Variants in PHACTR4 observed in about 807,000 individuals in gnomAD.
The protein encoded by PHACTR4 is phosphatase and actin regulator 4.
PHACTR4 carries 51 observed loss-of-function variants against 72.7 expected under a neutral mutation model. The observed-to-expected ratio is 0.70, with a 90% CI of 0.56 to 0.89. The LOEUF is 0.89. Ranked by LOEUF, PHACTR4 falls within the 40% of genes least tolerant of loss-of-function variation. The probability of loss-of-function intolerance (pLI) is 0.00; values close to 1 mark genes in which losing one functional copy is unlikely to be tolerated. For synonymous variants in PHACTR4, 255 were observed against 302.5 expected, an observed-to-expected ratio of 0.84 and a Z score of 1.63; for missense variants, 731 against 861.8, an observed-to-expected ratio of 0.85 and a Z score of 1.90.
Position 28,473,580 on chromosome 1 carries a change from G to C in PHACTR4, c.850G>C (p.Gly284Arg), listed in dbSNP as rs1330698283. ...TGAACTGTCCCAAGCAATAAACAGTGGTACATTGTTATCAAAACCGTCCCC... is the reference window on the plus strand; with the variant it reads ...TGAACTGTCCCAAGCAATAAACAGTCGTACATTGTTATCAAAACCGTCCCC... ...IAELSQAINS[G>R]TLLSKPSPPL... The change falls in exon 7 of 14, where the codon GGT (glycine) becomes CGT (arginine). Residue 284 changes from glycine (G) to arginine (R), a missense_variant. Transcript: ENST00000373839. 1 of 1,612,130 alleles carries C rather than the reference G, an allele frequency of 6.2e-7. No individual in the cohort carries two copies. Among genetic ancestry groups the C allele is most frequent in the Non-Finnish European group, 8.5e-7 (1 of 1,178,564 alleles).
intron 11 of PHACTR4, among the ~76,000 whole-genome samples, 196 bp downstream of exon 11, chr1:28,491,208 TAA>T (rs879678760): frequency 4.1e-4 from 45 of 109,384 alleles, no homozygotes; most frequent in Non-Finnish European, 3.9e-4. Context: ...GTGTCTACAT[TAA>T]AAAAAAAAAA....
intron 1 of PHACTR4, among the ~76,000 whole-genome samples, chr1:28,385,615 T>A (rs72882106): frequency 0.13 from 9,801 of 72,854 alleles, 512 homozygotes; most frequent in Non-Finnish European, 0.17. Context: ...TTTAAGTGAA[T>A]TTTTTTTTTT....
At chr1:28,470,422 G>A (rs1195837466) in intron 6 of PHACTR4, among the ~76,000 whole-genome samples, 1 of 151,928 alleles carries the variant, frequency 6.6e-6, no homozygotes, top group East Asian at 1.9e-4. Flanking sequence ...AGGTACAGTG[G>A]CTCACACCTG....
At chr1:28,478,438 A>C (rs1156519495) in intron 8 of PHACTR4, among the ~76,000 whole-genome samples, 1 of 147,792 alleles carries the variant, frequency 6.8e-6, no homozygotes, top group African/African-American at 2.5e-5. Flanking sequence ...TGGTAGTTCT[A>C]TTTTTTTTTT....
In PHACTR4 at chr1:28,474,018, C is replaced by T. The variant is rs200781337; in HGVS notation, c.1288C>T (p.Pro430Ser). ...CCAGCAGGCCCTCACCAGCCCACTT[C>T]CCATGACTCCTATTCTGGAGGGTTC... is the stretch of plus-strand genomic sequence containing the variant. ...RIQQALTSPL[P>S]MTPILEGSHR... The change falls in exon 7 of 14, where the codon CCC (proline) becomes TCC (serine). Residue 430 changes from proline to serine, a missense_variant. Physicochemically the swap from Pro to Ser is moderately conservative, Grantham distance 74. Transcript: ENST00000373839. 391 of 1,614,172 alleles carry T rather than the reference C, an allele frequency of 2.4e-4. 1 individual carries two copies. The highest frequency in any genetic ancestry group is 2.0e-3 in the Middle Eastern group (12 of 6,062).
At chr1:28,384,051 G>C (rs1161658379) in intron 1 of PHACTR4, among the ~76,000 whole-genome samples, 1 of 152,170 alleles carries the variant, frequency 6.6e-6, no homozygotes, top group Non-Finnish European at 1.5e-5. Flanking sequence ...ATGTGCTGCG[G>C]ATTTGATTTG....
chr1:28,460,280 G>T lies in PHACTR4; in HGVS notation c.259G>T (p.Asp87Tyr). The change falls in exon 4 of 14, where the codon GAC (aspartate) becomes TAC (tyrosine). Residue 87 changes from aspartate to tyrosine, a missense_variant. Physicochemically the swap from Asp to Tyr is radical, Grantham distance 160. This residue lies in a region of PHACTR4 where 621 missense variants were observed against 676.6 expected (regional missense o/e 0.92). Transcript: ENST00000373839. ...ELVKRGVLLE[D>Y]PEQGGEDPGK... ...GGTTAAAAGAGGGGTTCTGTTGGAA[G>T]ACCCTGAGCAAGGTGAGTTTACAAA... The T allele has an allele frequency of 6.2e-7, 1 of 1,613,082 alleles. No homozygotes were observed. Among genetic ancestry groups the T allele is most frequent in the South Asian group, 1.1e-5 (1 of 90,984 alleles).
intron 1 of PHACTR4, among the ~76,000 whole-genome samples, chr1:28,381,323 G>T (rs1471605367): frequency 9.2e-6 from 1 of 108,282 alleles, no homozygotes; most frequent in African/African-American, 3.8e-5. Context: ...TTTTGAGACG[G>T]AGTCTTGCTC....
chr1:28,500,132 G>A lies in PHACTR4; in HGVS notation c.*3583G>A, dbSNP rs541076265. 2.6e-5 allele frequency: 4 copies of A among 151,964 alleles called. No individual in the cohort carries two copies. Among genetic ancestry groups the A allele is most frequent in the African/African-American group, 9.7e-5 (4 of 41,442 alleles). The allele number at this position is 151,964 out of a possible 1,614,324, so 9.4% of individuals were successfully genotyped here. A position where few individuals can be genotyped will look rare whatever the true frequency, so the allele number is the denominator to read the frequency against. Reference sequence around the variant, plus strand: ...ACATTTTGGGGGTCAAGTCTCTTTGGGTGTTTTGTTTTTATGTATATAAAA... The same window carrying A: ...ACATTTTGGGGGTCAAGTCTCTTTGAGTGTTTTGTTTTTATGTATATAAAA... On this transcript the variant is annotated 3_prime_UTR_variant, in exon 14 of 14. Coordinates refer to ENST00000373839, the MANE Select transcript of PHACTR4 (RefSeq NM_001048183.3).
chr1:28,434,145 G>C (rs925841353), intron 2 of PHACTR4, among the ~76,000 whole-genome samples: 5 of 152,060 alleles, frequency 3.3e-5, no homozygotes, highest in African/African-American at 1.2e-4. Flanking sequence ...ATTTCTTTTG[G>C]AGCTTAAAAA....
intron 9 of PHACTR4, among the ~76,000 whole-genome samples, chr1:28,483,539 C>T (rs149180934): frequency 1.6e-4 from 25 of 152,142 alleles, no homozygotes; most frequent in Non-Finnish European, 3.4e-4. Context: ...CGGTGGCTCA[C>T]GCCTGTAATC....
At chr1:28,390,162 G>T (rs1347626346) in intron 1 of PHACTR4, among the ~76,000 whole-genome samples, 19 of 152,108 alleles carry the variant, frequency 1.2e-4, no homozygotes, top group South Asian at 2.1e-4. Context: ...TACAGACAGG[G>T]TTTTTTGCTG....
intron 2 of PHACTR4, among the ~76,000 whole-genome samples, chr1:28,431,303 G>C (rs1047323936): frequency 6.7e-6 from 1 of 149,822 alleles, no homozygotes; most frequent in Non-Finnish European, 1.5e-5. Context: ...AGGAGATCTA[G>C]ACCATTCTGG....
At position 28,447,705 on chromosome 1, in the gene PHACTR4, G is replaced by A. The variant is rs540287993; in HGVS notation, c.17-11380G>A. On this transcript the variant is annotated intron_variant, in intron 2 of 13. Transcript: ENST00000373839. ...GAACAGTGTGCACATTAAGTTGCCA[G>A]TGGTAAAGCAACTTCACTTCTTGAT... is the stretch of plus-strand genomic sequence containing the variant. Among the ~76,000 whole-genome samples, 19 of 152,190 alleles carry A rather than the reference G, an allele frequency of 1.2e-4. No individual in the cohort carries two copies. The East Asian group carries it at 3.3e-3, about 26-fold the overall frequency.
At chr1:28,377,717 G>T (rs955867963) in intron 1 of PHACTR4, among the ~76,000 whole-genome samples, 2 of 151,904 alleles carry the variant, frequency 1.3e-5, no homozygotes, top group Admixed American at 6.6e-5. Flanking sequence ...ATGAGTCCCA[G>T]CTACTCTGGA....
chr1:28,413,654 T>C (rs1654918654), intron 2 of PHACTR4, among the ~76,000 whole-genome samples: 1 of 152,206 alleles, frequency 6.6e-6, no homozygotes, highest in Non-Finnish European at 1.5e-5. Context: ...TTTTGAAGTC[T>C]CTGCATGTTT....
chr1:28,374,548 CT>C (rs1569717444), intron 1 of PHACTR4, among the ~76,000 whole-genome samples: 2 of 151,748 alleles, frequency 1.3e-5, no homozygotes, highest in East Asian at 3.9e-4. Context: ...GCCTTTCTAA[CT>C]GGTAGTAGCC....
At chr1:28,421,962 A>G (rs1297727106) in intron 2 of PHACTR4, among the ~76,000 whole-genome samples, 1 of 152,236 alleles carries the variant, frequency 6.6e-6, no homozygotes, top group Non-Finnish European at 1.5e-5. Context: ...TGATTGGCTG[A>G]CTGAATGACT....
intron 9 of PHACTR4, among the ~76,000 whole-genome samples, chr1:28,487,537 A>AAAAAAAAAAAAAAG (rs1553205919): frequency 6.8e-6 from 1 of 146,286 alleles, no homozygotes; most frequent in Non-Finnish European, 1.5e-5. Flanking sequence ...AAAAAAAAAA[A>AAAAAAAAAAAAAAG]GGAAGGTCTT....
Sources: gnomAD v4.1 joint callset for allele counts (sites outside exome capture counted in the v4.1 genomes callset) on GRCh38, gnomAD v4.1.1 for gene constraint, gnomAD v4.1.1 regional missense constraint, MANE v1.5 for transcripts, NCBI Gene and HGNC (gene_info 2026-07-23, HGNC 2026-07-21) for gene names.